Variants in RFT1 observed in about 807,000 individuals in gnomAD.
RFT1 encodes RFT1 glycolipid translocator homolog, also known as man(5)GlcNAc(2)-PP-dolichol translocation protein RFT1.
A neutral mutation model predicts 62.2 loss-of-function variants in RFT1; 43 were observed. The observed-to-expected ratio is 0.69, with a 90% CI of 0.54 to 0.89. The LOEUF is 0.89. Ranked by LOEUF, RFT1 falls within the 40% of genes least tolerant of loss-of-function variation. The pLI, the probability that RFT1 is intolerant of heterozygous loss-of-function variation, is 0.00. For synonymous variants in RFT1, 262 were observed against 264.6 expected, an observed-to-expected ratio of 0.99 and a Z score of 0.10; for missense variants, 605 against 649.9, an observed-to-expected ratio of 0.93 and a Z score of 0.75.
the RFT1 span, chr3:53,078,167 G>A: frequency 1.3e-5 from 2 of 152,248 alleles, no homozygotes; most frequent in Non-Finnish European, 2.9e-5. Context: ...TCTGTGTCAG[G>A]ATATTCACTT....
At chr3:53,075,200 G>A in the RFT1 span, among the ~76,000 whole-genome samples, 1 of 152,160 alleles carries the variant, frequency 6.6e-6, no homozygotes, top group South Asian at 2.1e-4. Flanking sequence ...GCAATTTGGT[G>A]TTGCCATGAC....
In RFT1 at chr3:53,091,930, C is replaced by A. The variant is rs372235619; in HGVS notation, c.1599G>T (p.Val533=). The change falls in exon 13 of 13, where the codon GTG becomes GTT. Residue 533 remains valine, a synonymous_variant. Transcript: ENST00000296292. The part of the protein sequence containing the change: ...LIHFLRTQLG[V]PRRTDKMT ...ATGTCATTTTGTCAGTGCGTCTGGG[C>A]ACACCTAACTGAGTCCTGAGGAAAT... 4 of 1,614,246 alleles carry A rather than the reference C, an allele frequency of 2.5e-6. No individual in the cohort carries two copies. The Admixed American group carries it at 6.7e-5, about 27-fold the overall frequency.
chr3:53,068,704 A>G, the RFT1 span, among the ~76,000 whole-genome samples: 1 of 152,190 alleles, frequency 6.6e-6, no homozygotes, highest in Admixed American at 6.5e-5. Context: ...GGGAAGCGAG[A>G]AAATACAACA....
At chr3:53,099,176 G>C (rs1701238732) in intron 11 of RFT1, among the ~76,000 whole-genome samples, 3 of 152,166 alleles carry the variant, frequency 2.0e-5, no homozygotes, top group African/African-American at 7.2e-5. Flanking sequence ...AGTAGTTGCT[G>C]CCTCCCAGCC....
chr3:53,128,386 C>T (rs1443604155), intron 1 of RFT1, among the ~76,000 whole-genome samples: 1 of 152,192 alleles, frequency 6.6e-6, no homozygotes, highest in Non-Finnish European at 1.5e-5. Context: ...CAGGCCATAT[C>T]CATGTCTCCT....
chr3:53,128,322 T>A (rs77442348), intron 1 of RFT1, among the ~76,000 whole-genome samples: 10,454 of 152,132 alleles, frequency 0.069, 470 homozygotes, highest in Middle Eastern at 0.11. Flanking sequence ...AAACACCATG[T>A]GTACATACTT....
At chr3:53,075,151 C>G in the RFT1 span, among the ~76,000 whole-genome samples, 1 of 152,208 alleles carries the variant, frequency 6.6e-6, no homozygotes, top group Non-Finnish European at 1.5e-5. Flanking sequence ...CAGCTCCACT[C>G]CCTTCCCTTC....
At chr3:53,106,896 G>A in intron 7 of RFT1, 27 bp from the exon 8 acceptor site, 1 of 1,561,340 alleles carries the variant, frequency 6.4e-7, no homozygotes. Context: ...AAAATAATTA[G>A]CAATGTCAAA....
Position 53,091,525 on chromosome 3 carries a change from CTT to C in RFT1, c.*376_*377del. 3.8e-6 allele frequency: 1 copy of C among 265,144 alleles called. No individual in the cohort carries two copies. Among genetic ancestry groups the C allele is most frequent in the Admixed American group, 4.8e-5 (1 of 20,874 alleles). 16.4% of individuals were successfully genotyped at this position (265,144 alleles called of 1,614,324 possible). A position where few individuals can be genotyped will look rare whatever the true frequency, so the allele number is the denominator to read the frequency against. On this transcript the variant is annotated 3_prime_UTR_variant, in exon 13 of 13. Transcript: ENST00000296292. The stretch of plus-strand genomic sequence containing the variant: ...TGTGAAGGGTAAAATCACTGCATCT[CTT>C]TTTCTGGGCCAGATAATTATTAACA...
At chr3:53,095,350 G>C (rs776957974) in intron 11 of RFT1, among the ~76,000 whole-genome samples, 1 of 152,140 alleles carries the variant, frequency 6.6e-6, no homozygotes, top group South Asian at 2.1e-4. Context: ...AACATAAACA[G>C]TAAATTATTT....
intron 12 of RFT1, 106 bp downstream of exon 12, chr3:53,092,263 T>C: frequency 6.7e-7 from 1 of 1,501,516 alleles, no homozygotes; most frequent in East Asian, 2.4e-5. Context: ...CCTAGAGGCC[T>C]GGGGAGGGGA....
intron 7 of RFT1, among the ~76,000 whole-genome samples, chr3:53,110,788 C>T (rs1161342664): frequency 6.6e-6 from 1 of 152,066 alleles, no homozygotes; most frequent in Non-Finnish European, 1.5e-5. Context: ...ATTAAAAATA[C>T]ATTCAGTAAT....
chr3:53,108,015 A>T (rs1701536372), intron 7 of RFT1, among the ~76,000 whole-genome samples: 1 of 152,142 alleles, frequency 6.6e-6, no homozygotes, highest in Non-Finnish European at 1.5e-5. Context: ...CCTCACTGCT[A>T]ACAGTTCCAG....
intron 6 of RFT1, among the ~76,000 whole-genome samples, chr3:53,112,263 G>C (rs1346456539): frequency 6.6e-6 from 1 of 152,232 alleles, no homozygotes; most frequent in Non-Finnish European, 1.5e-5. Flanking sequence ...CCAGGCTGCA[G>C]AAGAAATTCT....
the RFT1 span, among the ~76,000 whole-genome samples, chr3:53,074,792 T>C: frequency 6.6e-6 from 1 of 152,174 alleles, no homozygotes; most frequent in African/African-American, 2.4e-5. Context: ...TGTGTCCACA[T>C]CCATGGCCAA....
intron 9 of RFT1, among the ~76,000 whole-genome samples, chr3:53,104,383 GTTC>G (rs1169845594): frequency 1.3e-5 from 2 of 149,450 alleles, no homozygotes; most frequent in Non-Finnish European, 3.0e-5. Context: ...TCTGATATTT[GTTC>G]TTTTTTTTTT....
At chr3:53,098,584 C>T (rs1278578616) in intron 11 of RFT1, among the ~76,000 whole-genome samples, 4 of 152,038 alleles carry the variant, frequency 2.6e-5, no homozygotes, top group Admixed American at 1.3e-4. Context: ...GGGAGAATCA[C>T]AAGGTCAGGA....
At chr3:53,111,480 T>G (rs551101413) in intron 7 of RFT1, among the ~76,000 whole-genome samples, 110 of 152,252 alleles carry the variant, frequency 7.2e-4, no homozygotes, top group Non-Finnish European at 1.4e-3. Flanking sequence ...AAAAATCATA[T>G]AACATGGGGT....
intron 10 of RFT1, chr3:53,103,063 G>GT: frequency 1.0e-6 from 1 of 977,312 alleles, no homozygotes; most frequent in South Asian, 4.7e-5. Context: ...CACTTCACTG[G>GT]TTTCACAGCA....
Sources: allele counts gnomAD v4.1 joint callset (sites outside exome capture counted in the v4.1 genomes callset), GRCh38; gene constraint gnomAD v4.1.1; transcripts MANE v1.5; gene names NCBI Gene and HGNC (gene_info 2026-07-23, HGNC 2026-07-21).